Variants in RSPH6A observed in about 807,000 individuals in gnomAD.
RSPH6A encodes radial spoke head protein 6 homolog A.
In RSPH6A, 49 loss-of-function variants were observed where a neutral mutation model predicts 66.1. The observed-to-expected ratio is 0.74, with a 90% CI of 0.59 to 0.94. The LOEUF (loss-of-function observed/expected upper bound fraction) is 0.94, where lower values mean the gene tolerates loss of function less well. Among genes scored for constraint, RSPH6A ranks in the 40% least tolerant of loss-of-function variants. The probability of loss-of-function intolerance (pLI) is 0.00; values close to 1 mark genes in which losing one functional copy is unlikely to be tolerated. For synonymous variants in RSPH6A, 419 were observed against 402.4 expected (o/e 1.04, Z -0.49); for missense variants, 977 against 948.3 (o/e 1.03, Z -0.40).
At chr19:45,796,294 C>T (rs1293375181) in intron 5 of RSPH6A, among the ~76,000 whole-genome samples, 188 bp from the exon 6 acceptor site, 6 of 151,942 alleles carry the variant, frequency 3.9e-5, no homozygotes, top group Non-Finnish European at 5.9e-5. Context: ...GCTGGGACTA[C>T]AGGCACGCGT....
chr19:45,808,927 A>G (rs966666327), intron 2 of RSPH6A, among the ~76,000 whole-genome samples: 1 of 151,718 alleles, frequency 6.6e-6, no homozygotes, highest in Non-Finnish European at 1.5e-5. Flanking sequence ...TCGGCCTCCC[A>G]AAGTGCTGGG....
chr19:45,814,517 C>T lies in RSPH6A; in HGVS notation c.650+10G>A, dbSNP rs1364425789. On this transcript the variant is annotated intron_variant, in intron 1 of 5. Transcript: ENST00000221538. ...GTCCCCCACCCGCCCCACTCCTAGC[C>T]CCTGCTCACAGGCTGAGGTCGCAAT... is the stretch of plus-strand genomic sequence containing the variant. 1.3e-6 allele frequency: 2 copies of T among 1,497,324 alleles called. No individual in the cohort carries two copies. Among genetic ancestry groups the T allele is most frequent in the South Asian group, 1.4e-5 (1 of 71,730 alleles). 92.8% of individuals were successfully genotyped at this position (1,497,324 alleles called of 1,614,324 possible).
Position 45,814,611 on chromosome 19 carries a change from A to G in RSPH6A, c.566T>C (p.Val189Ala). The G allele has an allele frequency of 6.3e-7, 1 of 1,583,324 alleles. No individual in the cohort carries two copies. Among genetic ancestry groups the G allele is most frequent in the Non-Finnish European group, 8.6e-7 (1 of 1,165,604 alleles). The change falls in exon 1 of 6, where the codon GTG becomes GCG. Residue 189 changes from valine (V) to alanine (A), a missense_variant. By Grantham distance (64) the Val-to-Ala change is moderately conservative. Coordinates refer to ENST00000221538, the MANE Select transcript of RSPH6A (RefSeq NM_030785.4). ...ELGFPHYSAQ[V>A]PEPEPLELAV... ...CAGCTCCAGAGGCTCGGGCTCAGGC[A>G]CCTGGGCACTGTAGTGTGGGAAGCC...
chr19:45,802,238 C>T lies in RSPH6A; in HGVS notation c.1680G>A (p.Leu560=). The change falls in exon 4 of 6, where the codon TTG becomes TTA. Residue 560 remains leucine, a synonymous_variant. Coordinates refer to ENST00000221538, the MANE Select transcript of RSPH6A (RefSeq NM_030785.4). ...PQGRCTWVNP[L]QKTEEEEDLG... is the part of the protein sequence containing the mutation. ...GGTCCTCCTCCTCCTCTGTCTTCTG[C>T]AAAGGGTTCACCCAAGTGCAGCGGC... 1 of 1,522,286 alleles carries T rather than the reference C, an allele frequency of 6.6e-7. No homozygotes were observed. The highest frequency in any genetic ancestry group is 1.3e-5 in the South Asian group (1 of 79,306). 94.3% of individuals were successfully genotyped at this position (1,522,286 alleles called of 1,614,324 possible). A position where few individuals can be genotyped will look rare whatever the true frequency, so the allele number is the denominator to read the frequency against.
At position 45,795,759 on chromosome 19, in the gene RSPH6A, C is replaced by T; in HGVS notation, c.*110G>A. On this transcript the variant is annotated 3_prime_UTR_variant, in exon 6 of 6. Coordinates refer to ENST00000221538, the MANE Select transcript of RSPH6A (RefSeq NM_030785.4). ...GAAGCAGTTGCCTTCCTTTTCTATCCCTGCCCTCTGGGGACAGGAAGCACA... is the reference window on the plus strand; with the variant it reads ...GAAGCAGTTGCCTTCCTTTTCTATCTCTGCCCTCTGGGGACAGGAAGCACA... 1 of 1,005,420 alleles carries T rather than the reference C, an allele frequency of 9.9e-7. No individual in the cohort carries two copies. Among genetic ancestry groups the T allele is most frequent in the Non-Finnish European group, 1.5e-6 (1 of 684,940 alleles). The allele number at this position is 1,005,420 out of a possible 1,614,324, so 62.3% of individuals were successfully genotyped here.
At position 45,804,646 on chromosome 19, in the gene RSPH6A, C is replaced by A. The variant is rs1187445150; in HGVS notation, c.1259G>T (p.Arg420Leu). 1.2e-6 allele frequency: 2 copies of A among 1,613,962 alleles called. No individual in the cohort carries two copies. Among genetic ancestry groups the A allele is most frequent in the East Asian group, 4.5e-5 (2 of 44,884 alleles). ...GTACAGGTACTTGTTGGCGCCTGAG[C>A]GGCTCTCCTCCTTGGGGATCACGGG... ...PPPVIPKEESRSGANKYLYFV... is the reference protein window; with the variant it reads ...PPPVIPKEESLSGANKYLYFV... The change falls in exon 3 of 6, where the codon CGC (arginine) becomes CTC (leucine). Residue 420 changes from arginine to leucine, a missense_variant. By Grantham distance (102) the Arg-to-Leu change is moderately radical. Coordinates refer to ENST00000221538, the MANE Select transcript of RSPH6A (RefSeq NM_030785.4). The surrounding 1 kb of genome is among the most constrained non-coding windows in gnomAD (Gnocchi z 5.8).
chr19:45,812,384 C>T (rs1245415202), intron 1 of RSPH6A, among the ~76,000 whole-genome samples: 2 of 151,902 alleles, frequency 1.3e-5, no homozygotes, highest in East Asian at 1.9e-4. Context: ...CCACCAGGCC[C>T]GGCCACAGTC....
chr19:45,798,325 C>T (rs897150566), intron 5 of RSPH6A, among the ~76,000 whole-genome samples: 11 of 151,632 alleles, frequency 7.3e-5, no homozygotes, highest in Admixed American at 6.6e-4. Context: ...CACCACTAAA[C>T]TCCAGCCTAG....
At chr19:45,812,012 C>T (rs1266938405) in intron 1 of RSPH6A, among the ~76,000 whole-genome samples, 1 of 151,502 alleles carries the variant, frequency 6.6e-6, no homozygotes, top group Non-Finnish European at 1.5e-5. Flanking sequence ...AACTCCTGAC[C>T]TCAGGTGATC....
In RSPH6A at chr19:45,804,042, A is replaced by C. The variant is rs1970507126; in HGVS notation, c.1653+210T>G. On this transcript the variant is annotated intron_variant, in intron 3 of 5. Transcript: ENST00000221538. This position sits in a 1 kb window ranked among gnomAD's most constrained non-coding sequence, Gnocchi z 5.8. Reference sequence around the variant, plus strand: ...GAAAAGAAAAAGAAAAAAAAGAAGAAAGAAAGAAAAGAAAAAAAAATGCCT... The same window carrying C: ...GAAAAGAAAAAGAAAAAAAAGAAGACAGAAAGAAAAGAAAAAAAAATGCCT... Among the ~76,000 whole-genome samples the C allele has an allele frequency of 6.6e-6, 1 of 151,958 alleles. No individual in the cohort carries two copies. The highest frequency in any genetic ancestry group is 2.4e-5 in the African/African-American group (1 of 41,380).
intron 4 of RSPH6A, among the ~76,000 whole-genome samples, chr19:45,801,039 CCA>C (rs1970467920): frequency 6.6e-6 from 1 of 152,128 alleles, no homozygotes; most frequent in South Asian, 2.1e-4. Flanking sequence ...CTCAGGTGAT[CCA>C]CCCGCCTCAG....
intron 5 of RSPH6A, among the ~76,000 whole-genome samples, chr19:45,798,613 C>T (rs1433603589): frequency 1.4e-4 from 21 of 148,444 alleles, no homozygotes; most frequent in East Asian, 6.0e-4. Flanking sequence ...CCGAGGTGGG[C>T]GGATCATGAG....
intron 5 of RSPH6A, among the ~76,000 whole-genome samples, chr19:45,798,539 C>CAAA (rs35898926): frequency 6.0e-5 from 6 of 100,240 alleles, no homozygotes; most frequent in African/African-American, 8.3e-5. Context: ...GACCCTATCT[C>CAAA]AAAAAAAAAA....
intron 1 of RSPH6A, among the ~76,000 whole-genome samples, chr19:45,812,558 C>A (rs1173858964): frequency 6.6e-6 from 1 of 152,058 alleles, no homozygotes; most frequent in African/African-American, 2.4e-5. Flanking sequence ...AGGAAGAGAG[C>A]CTGAAGCTCT....
rs1970691742 is a variant in RSPH6A, at chr19:45,815,201, T to C, written c.-25A>G. On this transcript the variant is annotated 5_prime_UTR_variant, in exon 1 of 6. Coordinates refer to ENST00000221538, the MANE Select transcript of RSPH6A (RefSeq NM_030785.4). ...TGGTTCGCCAGGAGGCACAGATCTC[T>C]AGGAGAAAGGCTTGCAGACAAGGAG... 1.3e-6 allele frequency: 2 copies of C among 1,557,620 alleles called. No individual in the cohort carries two copies. The highest frequency in any genetic ancestry group is 1.7e-6 in the Non-Finnish European group (2 of 1,157,220).
intron 2 of RSPH6A, among the ~76,000 whole-genome samples, chr19:45,809,195 G>A (rs1384352212): frequency 6.8e-6 from 1 of 147,188 alleles, no homozygotes. Context: ...AAGAGATGGG[G>A]TTTCACTGTG....
At chr19:45,800,421 T>C in intron 5 of RSPH6A, 25 bp downstream of exon 5, 1 of 1,596,296 alleles carries the variant, frequency 6.3e-7, no homozygotes, top group Non-Finnish European at 8.6e-7. Flanking sequence ...ATTCTCCTGC[T>C]GGGAGGGGCT....
chr19:45,796,147 G>T (rs1296776484), intron 5 of RSPH6A, 41 bp from the exon 6 acceptor site: 7 of 1,364,364 alleles, frequency 5.1e-6, no homozygotes, highest in Non-Finnish European at 5.9e-6. Flanking sequence ...TCCCTCAAAG[G>T]CCCCAGACTT....
intron 1 of RSPH6A, among the ~76,000 whole-genome samples, chr19:45,813,770 G>T (rs899579057): frequency 6.6e-6 from 1 of 152,140 alleles, no homozygotes; most frequent in African/African-American, 2.4e-5. Flanking sequence ...AGCATCCTGG[G>T]TATCTAATGG....
Sources: gnomAD v4.1 joint callset for allele counts (sites outside exome capture counted in the v4.1 genomes callset) on GRCh38, gnomAD v4.1.1 for gene constraint, Gnocchi (gnomAD v3.1) non-coding constraint, MANE v1.5 for transcripts, NCBI Gene and HGNC (gene_info 2026-07-23, HGNC 2026-07-21) for gene names.